Variants in TNRC6B observed in about 807,000 individuals in gnomAD.
TNRC6B encodes trinucleotide repeat containing adaptor 6B, also known as trinucleotide repeat-containing gene 6B protein.
Under a neutral mutation model 203.6 loss-of-function variants are expected in TNRC6B, and 52 were observed. The ratio of observed to expected loss-of-function variants is 0.26; its 90% CI spans 0.20 to 0.32. The LOEUF is 0.32. Ranked by LOEUF, TNRC6B falls within the 10% of genes least tolerant of loss-of-function variation. The pLI, the probability that TNRC6B is intolerant of heterozygous loss-of-function variation, is 1.00. For missense variants in TNRC6B, 1,923 were observed against 2,286.2 expected (o/e 0.84, Z 3.24); for synonymous variants, 838 against 845.7 (o/e 0.99, Z 0.16).
intron 1 of TNRC6B, among the ~76,000 whole-genome samples, chr22:40,232,877 C>T (rs937484527): frequency 6.6e-6 from 1 of 152,090 alleles, no homozygotes; most frequent in Middle Eastern, 3.4e-3. Flanking sequence ...CGTGGCTGGG[C>T]GCGATGGCTC....
intron 1 of TNRC6B, among the ~76,000 whole-genome samples, chr22:40,187,990 C>T (rs1055279230): frequency 2.0e-5 from 3 of 152,016 alleles, no homozygotes; most frequent in Admixed American, 6.6e-5. Context: ...GAGGCTGAGG[C>T]GGGTGGATCA....
chr22:40,059,503 C>T (rs1001919465), intron 1 of TNRC6B, among the ~76,000 whole-genome samples: 13 of 152,110 alleles, frequency 8.5e-5, no homozygotes, highest in Admixed American at 2.6e-4. Context: ...AGAAGTGATA[C>T]GAGTGGGCAT....
intron 1 of TNRC6B, among the ~76,000 whole-genome samples, chr22:40,226,417 G>A (rs1214346016): frequency 2.0e-5 from 3 of 152,138 alleles, no homozygotes; most frequent in Admixed American, 6.5e-5. Context: ...TAAAATGACA[G>A]TAGTGCAGCA....
intron 1 of TNRC6B, among the ~76,000 whole-genome samples, chr22:40,077,875 C>G (rs1253485854): frequency 2.6e-5 from 4 of 152,126 alleles, no homozygotes; most frequent in Non-Finnish European, 5.9e-5. Context: ...GACTATCTTT[C>G]TGTGTCAGTA....
At chr22:40,154,854 AAAAAAAATATATAT>A (rs1446891424) in intron 3 of TNRC6B, among the ~76,000 whole-genome samples, 11 of 54,184 alleles carry the variant, frequency 2.0e-4, no homozygotes, top group African/African-American at 9.6e-4. Flanking sequence ...AAAAAAAAAA[AAAAAAAATATATAT>A]ATATATATAT....
At chr22:40,274,583 G>C (rs952207028) in intron 7 of TNRC6B, among the ~76,000 whole-genome samples, 1 of 152,042 alleles carries the variant, frequency 6.6e-6, no homozygotes, top group African/African-American at 2.4e-5. Context: ...ACCACGCCCG[G>C]CTAATTTTTT....
At chr22:40,166,398 G>A (rs1227029729) in intron 4 of TNRC6B, among the ~76,000 whole-genome samples, 2 of 146,590 alleles carry the variant, frequency 1.4e-5, no homozygotes, top group Non-Finnish European at 3.0e-5. Flanking sequence ...GCTGTGAAAT[G>A]TTTTCCCCTA....
rs534971476 is a variant in TNRC6B at position 40,205,990 on chromosome 22, G to A, written c.5+27850G>A. 3.9e-5 allele frequency among the ~76,000 whole-genome samples: 6 copies of A among 152,266 alleles called. No individual in the cohort carries two copies. The South Asian group carries it at 8.3e-4, about 21-fold the overall frequency. ...GCAGTAGAGCCACATGCTGGCTTCC[G>A]TTTCCAGAGCTGCCTCCTGGGCCTT... On this transcript the variant is annotated intron_variant, in intron 1 of 22. Transcript: ENST00000454349.
chr22:40,101,359 C>T (rs777946599), intron 1 of TNRC6B, among the ~76,000 whole-genome samples: 1 of 152,170 alleles, frequency 6.6e-6, no homozygotes, highest in Non-Finnish European at 1.5e-5. Flanking sequence ...GGCTTGTTAA[C>T]AGCACATTGC....
chr22:40,232,888 A>G (rs1164603166), intron 1 of TNRC6B, among the ~76,000 whole-genome samples: 1 of 152,154 alleles, frequency 6.6e-6, no homozygotes, highest in African/African-American at 2.4e-5. Flanking sequence ...GCGATGGCTC[A>G]CGCCTGTAAT....
At chr22:40,230,354 A>G (rs1452060364) in intron 1 of TNRC6B, among the ~76,000 whole-genome samples, 1 of 140,280 alleles carries the variant, frequency 7.1e-6, no homozygotes, top group Non-Finnish European at 1.5e-5. Flanking sequence ...CAGTGGCACC[A>G]TCTTGGTTCA....
chr22:40,196,570 A>G (rs1365800977), intron 1 of TNRC6B, among the ~76,000 whole-genome samples: 1 of 151,532 alleles, frequency 6.6e-6, no homozygotes, highest in Non-Finnish European at 1.5e-5. Context: ...TCTTTCTCCT[A>G]GAATATTTCT....
intron 15 of TNRC6B, among the ~76,000 whole-genome samples, chr22:40,304,839 CAGAAGAGTAA>C (rs2071069983): frequency 6.6e-6 from 1 of 152,206 alleles, no homozygotes; most frequent in East Asian, 1.9e-4. Flanking sequence ...ATAAAAATGA[CAGAAGAGTAA>C]TTGTATCTAT....
chr22:40,202,021 G>T (rs946824988), intron 1 of TNRC6B, among the ~76,000 whole-genome samples: 4 of 152,108 alleles, frequency 2.6e-5, no homozygotes, highest in Admixed American at 1.3e-4. Flanking sequence ...GTTTGAAAGG[G>T]TCACGTAATG....
chr22:40,310,317 C>G (rs963016296), intron 16 of TNRC6B, among the ~76,000 whole-genome samples: 4 of 152,176 alleles, frequency 2.6e-5, no homozygotes, highest in Non-Finnish European at 5.9e-5. Flanking sequence ...GCTTTTCCCT[C>G]CAATGGACTC....
intron 1 of TNRC6B, among the ~76,000 whole-genome samples, chr22:40,066,499 T>G (rs950750348): frequency 1.3e-5 from 2 of 152,114 alleles, no homozygotes; most frequent in Admixed American, 1.3e-4. Context: ...CAGGAGTATG[T>G]TTTCAGGTCT....
chr22:40,108,379 T>C (rs758079506), intron 1 of TNRC6B, among the ~76,000 whole-genome samples: 2 of 152,212 alleles, frequency 1.3e-5, no homozygotes, highest in Non-Finnish European at 2.9e-5. Flanking sequence ...GGTGAGCTGT[T>C]AAGAGTAGGG....
At chr22:40,259,735 C>T (rs549415424) in intron 3 of TNRC6B, among the ~76,000 whole-genome samples, 17 of 152,142 alleles carry the variant, frequency 1.1e-4, no homozygotes, top group Non-Finnish European at 2.2e-4. Flanking sequence ...TAGATTGGGC[C>T]GCCTGATTTC....
chr22:40,066,345 C>T (rs1385311608), intron 1 of TNRC6B, among the ~76,000 whole-genome samples: 1 of 152,128 alleles, frequency 6.6e-6, no homozygotes, highest in African/African-American at 2.4e-5. Context: ...GTTACTTCAC[C>T]TTTTCTGGAA....
Sources: allele counts gnomAD v4.1 joint callset (sites outside exome capture counted in the v4.1 genomes callset), GRCh38; gene constraint gnomAD v4.1.1; transcripts MANE v1.5; gene names NCBI Gene and HGNC (gene_info 2026-07-23, HGNC 2026-07-21).